The following ACYP2 variants were observed in gnomAD, a reference collection of about 807,000 sequenced individuals.
ACYP2 encodes acylphosphatase-2.
In ACYP2, 12 loss-of-function variants were observed where a neutral mutation model predicts 11.2. That is an observed-to-expected ratio of 1.08 (90% CI 0.69 to 1.74). ACYP2 has a LOEUF of 1.74. Ranked by LOEUF, ACYP2 falls within the 40% of genes most tolerant of loss-of-function variation. The probability of loss-of-function intolerance (pLI) is 0.00; values close to 1 mark genes in which losing one functional copy is unlikely to be tolerated. For missense variants in ACYP2, 134 were observed against 101.9 expected (o/e 1.31, Z -1.35); for synonymous variants, 43 against 32.2 (o/e 1.33, Z -1.13).
intron 2 of ACYP2, among the ~76,000 whole-genome samples, chr2:54,014,072 C>T (rs1161309636): frequency 6.6e-6 from 1 of 151,798 alleles, no homozygotes; most frequent in Admixed American, 6.6e-5. Context: ...GCAGGGGAAT[C>T]GCTTGAACCT....
chr2:54,268,252 T>C (rs780835794), intron 6 of ACYP2, among the ~76,000 whole-genome samples: 1 of 152,212 alleles, frequency 6.6e-6, no homozygotes, highest in Non-Finnish European at 1.5e-5. Context: ...TTTGACAGAC[T>C]TTAGTAGCTG....
chr2:54,010,646 T>C (rs1673310307), intron 2 of ACYP2, among the ~76,000 whole-genome samples: 1 of 151,824 alleles, frequency 6.6e-6, no homozygotes, highest in Admixed American at 6.6e-5. Context: ...AAGAGAGTGG[T>C]GTTAGTGTTT....
intron 2 of ACYP2, among the ~76,000 whole-genome samples, chr2:54,028,544 C>A (rs1250337724): frequency 1.3e-5 from 2 of 152,194 alleles, no homozygotes; most frequent in African/African-American, 2.4e-5. Flanking sequence ...ATTTCTGGTA[C>A]CTTCTCTGAG....
intron 2 of ACYP2, among the ~76,000 whole-genome samples, chr2:54,017,196 A>G (rs1673735431): frequency 6.6e-6 from 1 of 151,890 alleles, no homozygotes; most frequent in African/African-American, 2.4e-5. Context: ...ATCAGCTCTC[A>G]GGTCTTAATT....
chr2:53,995,154 T>TAG (rs756422267), intron 2 of ACYP2, among the ~76,000 whole-genome samples: 144 of 152,354 alleles, frequency 9.5e-4, no homozygotes, highest in Non-Finnish European at 1.6e-3. Flanking sequence ...CTGCAGCTCT[T>TAG]CTCTCAGAGA....
intron 4 of ACYP2, among the ~76,000 whole-genome samples, chr2:54,060,393 CT>C (rs1335367320): frequency 6.6e-6 from 1 of 151,414 alleles, no homozygotes; most frequent in East Asian, 1.9e-4. Context: ...CTGATTATTC[CT>C]TTTTAAAAAA....
intron 6 of ACYP2, among the ~76,000 whole-genome samples, chr2:54,282,535 T>G (rs529447789): frequency 6.6e-6 from 1 of 152,368 alleles, no homozygotes; most frequent in African/African-American, 2.4e-5. Context: ...TTTCTCCATC[T>G]ATTCCTATGA....
intron 2 of ACYP2, among the ~76,000 whole-genome samples, chr2:54,050,547 G>GAA (rs58128669): frequency 1.8e-4 from 15 of 83,198 alleles, no homozygotes; most frequent in African/African-American, 5.3e-4. Flanking sequence ...CCCCATCCCT[G>GAA]AAAAAAAAAA....
At chr2:54,181,635 G>T (rs1321283813) in intron 6 of ACYP2, among the ~76,000 whole-genome samples, 1 of 152,098 alleles carries the variant, frequency 6.6e-6, no homozygotes, top group African/African-American at 2.4e-5. Context: ...ATAATTTTAA[G>T]AAACTGTTCT....
chr2:54,301,760 G>A (rs1689735984), intron 6 of ACYP2, among the ~76,000 whole-genome samples: 1 of 151,746 alleles, frequency 6.6e-6, no homozygotes, highest in African/African-American at 2.4e-5. Context: ...TTTTTTGCTT[G>A]GAGAACTCTT....
chr2:54,292,476 G>A (rs1689351441), intron 6 of ACYP2, among the ~76,000 whole-genome samples: 1 of 151,852 alleles, frequency 6.6e-6, no homozygotes, highest in Non-Finnish European at 1.5e-5. Flanking sequence ...GGATAGAGTG[G>A]GTTAAATAAG....
chr2:54,115,889 A>AGCG, intron 4 of ACYP2, 133 bp downstream of exon 1: 1 of 1,188,940 alleles, frequency 8.4e-7, no homozygotes, highest in Non-Finnish European at 1.1e-6. Flanking sequence ...ATGACACAGC[A>AGCG]GCGGCGGCGG....
intron 6 of ACYP2, among the ~76,000 whole-genome samples, chr2:54,222,779 A>G (rs17045688): frequency 0.24 from 36,877 of 151,940 alleles, 4,663 homozygotes; most frequent in East Asian, 0.39. Flanking sequence ...GGTCCCCTTC[A>G]TATGTCCTTG....
intron 6 of ACYP2, among the ~76,000 whole-genome samples, chr2:54,236,964 CAAAAATATTTG>C (rs1213963988): frequency 6.6e-6 from 1 of 152,072 alleles, no homozygotes; most frequent in Non-Finnish European, 1.5e-5. Context: ...AATTGGGGAT[CAAAAATATTTG>C]GGAAAAAATT....
At chr2:54,185,627 G>A (rs909564620) in intron 6 of ACYP2, among the ~76,000 whole-genome samples, 4 of 152,122 alleles carry the variant, frequency 2.6e-5, no homozygotes, top group African/African-American at 9.7e-5. Context: ...ATATTGGCCA[G>A]TTAGGTTAAT....
chr2:54,259,050 T>A (rs1403637323), intron 6 of ACYP2, among the ~76,000 whole-genome samples: 5 of 152,148 alleles, frequency 3.3e-5, no homozygotes, highest in Non-Finnish European at 7.4e-5. Flanking sequence ...AACAACCTGA[T>A]CACCTCTTAA....
chr2:54,115,350 G>C (rs2103726322), intron 4 of ACYP2: 1 of 501,790 alleles, frequency 2.0e-6, no homozygotes, highest in Admixed American at 4.0e-5. Flanking sequence ...TCTTTTTTTG[G>C]GCACAGCATC....
Position 54,013,255 on chromosome 2 carries a change from A to ATATGTGTG in ACYP2, c.63-37702_63-37701insATGTGTGT, listed in dbSNP as rs1199088976. On this transcript the variant is annotated intron_variant, in intron 2 of 6. Coordinates refer to ENST00000607452, the MANE Select transcript of ACYP2 (RefSeq NM_001320586.2). The stretch of plus-strand genomic sequence containing the variant: ...AATATAACATTTACCACCATCTAAT[A>ATATGTGTG]TGTGTGTGTGTGTGTGTGTGTGTGT... 5.6e-4 allele frequency among the ~76,000 whole-genome samples: 66 copies of ATATGTGTG among 117,602 alleles called. 2 individuals are homozygous for ATATGTGTG. The highest frequency in any genetic ancestry group is 2.1e-3 in the East Asian group (8 of 3,800). 77.2% of individuals were successfully genotyped at this position (117,602 alleles called of 152,430 possible). A position where few individuals can be genotyped will look rare whatever the true frequency, so the allele number is the denominator to read the frequency against.
chr2:54,192,163 T>A (rs1301673650), intron 6 of ACYP2, among the ~76,000 whole-genome samples: 1 of 152,204 alleles, frequency 6.6e-6, no homozygotes, highest in Non-Finnish European at 1.5e-5. Flanking sequence ...TATATATGTG[T>A]GTATATACAT....
Sources: allele counts gnomAD v4.1 joint callset (sites outside exome capture counted in the v4.1 genomes callset), GRCh38; gene constraint gnomAD v4.1.1; transcripts MANE v1.5; gene names NCBI Gene and HGNC (gene_info 2026-07-23, HGNC 2026-07-21).